Variants in WLS observed in about 807,000 individuals in gnomAD.
The protein encoded by WLS is Wnt ligand secretion mediator, also known as protein wntless homolog.
A neutral mutation model predicts 62.8 loss-of-function variants in WLS; 23 were observed. That is an observed-to-expected ratio of 0.37 (90% CI 0.26 to 0.52). The LOEUF is 0.52. WLS is among the 20% of genes least tolerant of loss of function. WLS has a pLI of 0.92. For synonymous variants in WLS, 246 were observed against 244.1 expected, an observed-to-expected ratio of 1.01 and a Z score of -0.07; for missense variants, 615 against 697.3, an observed-to-expected ratio of 0.88 and a Z score of 1.33.
intron 2 of WLS, among the ~76,000 whole-genome samples, chr1:68,188,728 T>A (rs139941616): frequency 6.6e-6 from 1 of 152,274 alleles, no homozygotes; most frequent in Non-Finnish European, 1.5e-5. Context: ...AGGATCAATA[T>A]CAGCGAAGAC....
intron 2 of WLS, among the ~76,000 whole-genome samples, chr1:68,171,151 T>G (rs1647147831): frequency 6.6e-6 from 1 of 152,168 alleles, no homozygotes; most frequent in African/African-American, 2.4e-5. Context: ...CCACCAAATA[T>G]TTTTGAGCAC....
intron 2 of WLS, among the ~76,000 whole-genome samples, chr1:68,168,787 CAT>C (rs948960706): frequency 1.6e-4 from 24 of 152,316 alleles, no homozygotes; most frequent in African/African-American, 5.8e-4. Context: ...CTCTGGCAGA[CAT>C]ATAATCTGGA....
chr1:68,209,545 G>A (rs1206071091), intron 1 of WLS, among the ~76,000 whole-genome samples: 4 of 152,190 alleles, frequency 2.6e-5, no homozygotes, highest in South Asian at 2.1e-4. Context: ...TTGGGAGGCC[G>A]AGGTGGGCGG....
rs66626696 is a variant in WLS, at chr1:68,228,842, C to CAAAAAAAAAAAAA, written c.106+3339_106+3351dup. 2.9e-4 allele frequency among the ~76,000 whole-genome samples: 17 copies of CAAAAAAAAAAAAA among 58,032 alleles called. 1 individual carries two copies. The highest frequency in any genetic ancestry group is 4.0e-4 in the Non-Finnish European group (14 of 35,336). The allele number at this position is 58,032 out of a possible 152,430, so 38.1% of individuals were successfully genotyped here. A position where few individuals can be genotyped will look rare whatever the true frequency, so the allele number is the denominator to read the frequency against. On this transcript the variant is annotated intron_variant, in intron 1 of 11. Transcript: ENST00000262348. Reference sequence around the variant, plus strand: ...AGGTTTAGCTTACAGACACTGGTGCCAAAAAAAAAAAAAAAAAAAAAAAAA... The same window carrying CAAAAAAAAAAAAA: ...AGGTTTAGCTTACAGACACTGGTGCCAAAAAAAAAAAAAAAAAAAAAAAAAAAAAAAAAAAAAA...
intron 5 of WLS, among the ~76,000 whole-genome samples, 183 bp downstream of exon 5, chr1:68,153,334 A>G (rs1390405678): frequency 1.3e-5 from 2 of 152,144 alleles, no homozygotes; most frequent in Admixed American, 6.5e-5. Flanking sequence ...AACCCCGAGG[A>G]TTTACTTAAT....
chr1:68,191,446 C>T (rs1017218923), intron 2 of WLS, among the ~76,000 whole-genome samples: 7 of 152,158 alleles, frequency 4.6e-5, no homozygotes, highest in Non-Finnish European at 1.0e-4. Flanking sequence ...TTTTGAATCT[C>T]ATAGCAAACT....
At chr1:68,102,976 G>T (rs1193503204) in intron 11 of WLS, among the ~76,000 whole-genome samples, 1 of 152,078 alleles carries the variant, frequency 6.6e-6, no homozygotes, top group Non-Finnish European at 1.5e-5. Flanking sequence ...CCCTGGCAGT[G>T]CTCTGAACCC....
At chr1:68,230,004 C>CT (rs1650336811) in intron 1 of WLS, among the ~76,000 whole-genome samples, 1 of 152,184 alleles carries the variant, frequency 6.6e-6, no homozygotes, top group Non-Finnish European at 1.5e-5. Context: ...TTTGGCACCA[C>CT]TTACTCCAGA....
At chr1:68,199,697 C>G (rs1452939854) in intron 1 of WLS, among the ~76,000 whole-genome samples, 2 of 152,116 alleles carry the variant, frequency 1.3e-5, no homozygotes, top group East Asian at 3.8e-4. Context: ...CCCTGCTGTA[C>G]TCTATAGAGC....
chr1:68,164,612 C>T (rs1647035038), intron 2 of WLS, among the ~76,000 whole-genome samples: 1 of 152,090 alleles, frequency 6.6e-6, no homozygotes, highest in Non-Finnish European at 1.5e-5. Context: ...CTGGCAGCCA[C>T]AGCCTACACT....
At chr1:68,159,675 T>C (rs1484409514) in intron 2 of WLS, among the ~76,000 whole-genome samples, 1 of 152,210 alleles carries the variant, frequency 6.6e-6, no homozygotes, top group Non-Finnish European at 1.5e-5. Context: ...TCCTCTCTGA[T>C]AAACATGACC....
intron 11 of WLS, among the ~76,000 whole-genome samples, chr1:68,107,475 T>C (rs1646163586): frequency 6.6e-6 from 1 of 152,216 alleles, no homozygotes; most frequent in Non-Finnish European, 1.5e-5. Context: ...TTACTAGCCA[T>C]GTGACCTTAA....
At chr1:68,213,035 G>C (rs1649577756) in intron 1 of WLS, among the ~76,000 whole-genome samples, 1 of 152,196 alleles carries the variant, frequency 6.6e-6, no homozygotes, top group Admixed American at 6.5e-5. Context: ...ATTTATTTTA[G>C]TGCCTTTAAT....
intron 2 of WLS, among the ~76,000 whole-genome samples, chr1:68,174,519 ATG>A (rs1460554766): frequency 2.6e-5 from 4 of 152,132 alleles, no homozygotes; most frequent in African/African-American, 9.7e-5. Context: ...GATGAAGCAT[ATG>A]TGTGTGTGAG....
At chr1:68,168,978 AC>A (rs1169321014) in intron 2 of WLS, among the ~76,000 whole-genome samples, 1 of 152,202 alleles carries the variant, frequency 6.6e-6, no homozygotes, top group Non-Finnish European at 1.5e-5. Context: ...AAGATGCCCT[AC>A]AGGCCTGGGT....
chr1:68,219,853 T>A (rs1649873764), intron 1 of WLS, among the ~76,000 whole-genome samples: 1 of 152,220 alleles, frequency 6.6e-6, no homozygotes, highest in South Asian at 2.1e-4. Flanking sequence ...CTTTAAGAAG[T>A]CTTTGTCATT....
chr1:68,170,710 AC>A (rs11329422), intron 2 of WLS, among the ~76,000 whole-genome samples: 51,835 of 149,486 alleles, frequency 0.35, 8,977 homozygotes, highest in Middle Eastern at 0.43. Context: ...TCAATATGGC[AC>A]CCCCCCCTTG....
At chr1:68,171,129 C>G (rs1352860143) in intron 2 of WLS, among the ~76,000 whole-genome samples, 1 of 152,128 alleles carries the variant, frequency 6.6e-6, no homozygotes, top group Non-Finnish European at 1.5e-5. Flanking sequence ...CCATCCAACT[C>G]TATTTTTGTT....
At chr1:68,162,896 C>T (rs151181896) in intron 2 of WLS, 25,856 of 1,549,978 alleles carry the variant, frequency 0.017, 283 homozygotes, top group Non-Finnish European at 0.02. Context: ...GGATTTCCTG[C>T]GTGGACTGCG....
Sources: allele counts gnomAD v4.1 joint callset (sites outside exome capture counted in the v4.1 genomes callset), GRCh38; gene constraint gnomAD v4.1.1; transcripts MANE v1.5; gene names NCBI Gene and HGNC (gene_info 2026-07-23, HGNC 2026-07-21).